GLDN: variants seen among roughly 807,000 people sequenced by gnomAD.
GLDN encodes the protein collomin.
A neutral mutation model predicts 56.5 loss-of-function variants in GLDN; 47 were observed. The ratio of observed to expected loss-of-function variants is 0.83; its 90% CI spans 0.66 to 1.06. The LOEUF is 1.06. Ranked by LOEUF, GLDN falls within the 50% of genes least tolerant of loss-of-function variation. The pLI is 0.00. For missense variants in GLDN, 782 were observed against 714.3 expected (o/e 1.09, Z -1.08); for synonymous variants, 332 against 278.8 (o/e 1.19, Z -1.90).
intron 6 of GLDN, 49 bp downstream of exon 6, chr15:51,397,647 A>G (rs1363822896): frequency 6.7e-7 from 1 of 1,501,486 alleles, no homozygotes; most frequent in South Asian, 1.4e-5. Flanking sequence ...AATTATTCCA[A>G]ACTCTTGGTC....
rs1204702852 is a variant in GLDN at position 51,383,466 on chromosome 15, G to T, written c.433+13G>T. 6.2e-7 allele frequency: 1 copy of T among 1,613,824 alleles called. No homozygotes were observed. Among genetic ancestry groups the T allele is most frequent in the Admixed American group, 1.7e-5 (1 of 60,026 alleles). On this transcript the variant is annotated intron_variant, in intron 3 of 9. Transcript: ENST00000335449. ...TCTGGACCACCAGGTAAGAGCCCAT[G>T]GATTTTCTAGTTCAAGGGGAGGCTG...
intron 2 of GLDN, among the ~76,000 whole-genome samples, chr15:51,378,184 A>T (rs1237060624): frequency 6.6e-6 from 1 of 152,128 alleles, no homozygotes; most frequent in East Asian, 1.9e-4. Context: ...ATGTGAATGG[A>T]GGTGAGATGG....
chr15:51,366,199 T>C (rs1408061808), intron 1 of GLDN, among the ~76,000 whole-genome samples: 1 of 152,176 alleles, frequency 6.6e-6, no homozygotes, highest in Non-Finnish European at 1.5e-5. Flanking sequence ...CACAGCCATA[T>C]TGGGAGAACA....
Position 51,382,734 on chromosome 15 carries a change from A to AG in GLDN, c.416-702_416-701insG, listed in dbSNP as rs1459043165. Among the ~76,000 whole-genome samples, 508 of 150,876 alleles carry AG rather than the reference A, an allele frequency of 3.4e-3. 7 individuals are homozygous for AG. Among genetic ancestry groups the AG allele is most frequent in the African/African-American group, 0.012 (469 of 40,508 alleles). ...GAGCAAGACTCTGTCTCCAAAAAAAAAAAAAAGAAAAGAAAAGAAACAAAA... is the reference window on the plus strand; with the variant it reads ...GAGCAAGACTCTGTCTCCAAAAAAAAGAAAAAAGAAAAGAAAAGAAACAAAA... On this transcript the variant is annotated intron_variant, in intron 2 of 9. Coordinates refer to ENST00000335449, the MANE Select transcript of GLDN (RefSeq NM_181789.4).
At chr15:51,411,746 A>G (rs1031743783), downstream of GLDN, among the ~76,000 whole-genome samples, 2 of 152,242 alleles carry the variant, frequency 1.3e-5, no homozygotes, top group African/African-American at 4.8e-5. Flanking sequence ...TTTGACAAGC[A>G]TCTTTGACTT....
chr15:51,341,935 A>G lies in GLDN; in HGVS notation c.251A>G (p.Gln84Arg). 3 of 1,596,896 alleles carry G rather than the reference A, an allele frequency of 1.9e-6. No individual in the cohort carries two copies. The highest frequency in any genetic ancestry group is 2.5e-6 in the Non-Finnish European group (3 of 1,179,214). The change falls in exon 1 of 10, where the codon CAA becomes CGA. Residue 84 changes from glutamine to arginine, a missense_variant. Physicochemically the swap from Gln to Arg is conservative, Grantham distance 43 (BLOSUM62 1). Transcript: ENST00000335449. The stretch of plus-strand genomic sequence containing the variant: ...CCGCGCGGGGCGTCCGCACCACCCC[A>G]AGACCCGGCCAGCTCAGCTCGCAAC... Reference protein sequence around the residue: ...RAPRGASAPPQDPASSARNKR... With the variant: ...RAPRGASAPPRDPASSARNKR...
chr15:51,357,997 G>A (rs1035649879), intron 1 of GLDN, among the ~76,000 whole-genome samples: 6 of 152,130 alleles, frequency 3.9e-5, no homozygotes, highest in African/African-American at 1.4e-4. Context: ...ACATCAAAAG[G>A]CGTGTCAGTG....
chr15:51,350,033 G>A (rs189723171), intron 1 of GLDN, among the ~76,000 whole-genome samples: 6 of 152,194 alleles, frequency 3.9e-5, no homozygotes, highest in African/African-American at 1.2e-4. Flanking sequence ...GTGAGCCACC[G>A]CACCCGGCCT....
intron 1 of GLDN, among the ~76,000 whole-genome samples, chr15:51,370,634 G>GT (rs1491446577): frequency 8.9e-6 from 1 of 112,366 alleles, no homozygotes. Flanking sequence ...ACACAGAAAA[G>GT]TAAAAAAAAA....
intron 1 of GLDN, among the ~76,000 whole-genome samples, chr15:51,363,058 G>A (rs532346902): frequency 1.1e-4 from 16 of 152,306 alleles, no homozygotes; most frequent in African/African-American, 3.8e-4. Flanking sequence ...AGATAGAACA[G>A]GTTTAGGGGG....
chr15:51,353,710 T>C (rs1161207992), intron 1 of GLDN, among the ~76,000 whole-genome samples: 3 of 106,272 alleles, frequency 2.8e-5, no homozygotes, highest in African/African-American at 1.6e-4. Flanking sequence ...TCCTCGGATT[T>C]GATTAAAAAA....
At position 51,341,822 on chromosome 15, in the gene GLDN, G is replaced by T; in HGVS notation, c.138G>T (p.Ser46=). ...TGTGCCAGTGGCGCGGGCTGAGCTC[G>T]GCGCTGCGGGCTTTGGAGGCGCAGC... ...FALCQWRGLS[S]ALRALEAQRG... The change falls in exon 1 of 10, where the codon TCG becomes TCT. Residue 46 remains serine (S), a synonymous_variant. Coordinates refer to ENST00000335449, the MANE Select transcript of GLDN (RefSeq NM_181789.4). 6.6e-7 allele frequency: 1 copy of T among 1,515,176 alleles called. No individual in the cohort carries two copies. The highest frequency in any genetic ancestry group is 8.8e-7 in the Non-Finnish European group (1 of 1,140,182). 93.9% of individuals were successfully genotyped at this position (1,515,176 alleles called of 1,614,324 possible).
chr15:51,341,956 G>C lies in GLDN; in HGVS notation c.272G>C (p.Arg91Pro). ...APPQDPASSA[R>P]NKRSHSGEPA... The stretch of plus-strand genomic sequence containing the variant: ...CCCCAAGACCCGGCCAGCTCAGCTC[G>C]CAACAAGCGCAGCCACAGCGGCGAG... Residue 91 changes from arginine to proline, a missense_variant, in exon 1 of 10, where the codon CGC (arginine) becomes CCC (proline). By Grantham distance (103) the Arg-to-Pro change is moderately radical. Coordinates refer to ENST00000335449, the MANE Select transcript of GLDN (RefSeq NM_181789.4). 1 of 1,597,322 alleles carries C rather than the reference G, an allele frequency of 6.3e-7. No individual in the cohort carries two copies. Among genetic ancestry groups the C allele is most frequent in the Non-Finnish European group, 8.5e-7 (1 of 1,179,424 alleles).
At chr15:51,362,880 T>C (rs1236783614) in intron 1 of GLDN, among the ~76,000 whole-genome samples, 1 of 152,162 alleles carries the variant, frequency 6.6e-6, no homozygotes, top group Non-Finnish European at 1.5e-5. Context: ...GTTGAGCTGA[T>C]AAAATTTTCT....
Position 51,383,912 on chromosome 15 carries a change from T to A in GLDN, c.541+20T>A. ...AAATGGGTATTTTTGGCAACTCTTC[T>A]AATTAATTTCCCTGTTATTTATCTC... is the stretch of plus-strand genomic sequence containing the variant. On this transcript the variant is annotated intron_variant, in intron 4 of 9. Transcript: ENST00000335449. 1 of 1,507,070 alleles carries A rather than the reference T, an allele frequency of 6.6e-7. No homozygotes were observed. Among genetic ancestry groups the A allele is most frequent in the Non-Finnish European group, 9.1e-7 (1 of 1,094,540 alleles). 93.4% of individuals were successfully genotyped at this position (1,507,070 alleles called of 1,614,324 possible).
rs1210739720 is a variant in GLDN, at chr15:51,404,885, G to C, written c.*131G>C. 6.1e-6 allele frequency: 4 copies of C among 660,280 alleles called. No individual in the cohort carries two copies. In the African/African-American group the frequency reaches 7.2e-5, roughly 12 times the overall value. The allele number at this position is 660,280 out of a possible 1,614,324, so 40.9% of individuals were successfully genotyped here. On this transcript the variant is annotated 3_prime_UTR_variant, in exon 10 of 10. Coordinates refer to ENST00000335449, the MANE Select transcript of GLDN (RefSeq NM_181789.4). ...AACCTCAAAAGTGTTTATATGGTCA[G>C]TGAGCCCCGCTTAGTGAAATAGCAA...
chr15:51,347,810 C>A (rs1445547192), intron 1 of GLDN, among the ~76,000 whole-genome samples: 1 of 152,156 alleles, frequency 6.6e-6, no homozygotes, highest in Non-Finnish European at 1.5e-5. Context: ...CAATCCAGTA[C>A]TAGTTAAATT....
rs902190631 is a variant in GLDN at position 51,401,196 on chromosome 15, T to G, written c.1028-397T>G. ...GGACTCAAAAAGAAAGTAATATTGT[T>G]CATTAGTAGTGGCTGCTGCACAGTG... On this transcript the variant is annotated intron_variant, in intron 8 of 9. Coordinates refer to ENST00000335449, the MANE Select transcript of GLDN (RefSeq NM_181789.4). 2.0e-5 allele frequency among the ~76,000 whole-genome samples: 3 copies of G among 152,274 alleles called. No homozygotes were observed. In the East Asian group the frequency reaches 5.8e-4, roughly 29 times the overall value.
intron 2 of GLDN, among the ~76,000 whole-genome samples, chr15:51,380,037 C>T (rs753387382): frequency 2.0e-5 from 3 of 152,054 alleles, no homozygotes; most frequent in Admixed American, 6.6e-5. Context: ...GCACTTGTGC[C>T]CCAGCCCCTA....
Sources: allele counts gnomAD v4.1 joint callset (sites outside exome capture counted in the v4.1 genomes callset), GRCh38; gene constraint gnomAD v4.1.1; transcripts MANE v1.5; gene names NCBI Gene and HGNC (gene_info 2026-07-23, HGNC 2026-07-21).